Variants in OXR1 observed in about 807,000 individuals in gnomAD.
OXR1 encodes the protein oxidation resistance protein 1.
A neutral mutation model predicts 104.6 loss-of-function variants in OXR1; 41 were observed. That is an observed-to-expected ratio of 0.39 (90% confidence interval 0.31 to 0.51). The LOEUF (loss-of-function observed/expected upper bound fraction) is 0.51, where lower values mean the gene tolerates loss of function less well. Ranked by LOEUF, OXR1 falls within the 20% of genes least tolerant of loss-of-function variation. OXR1 has a pLI of 0.77. For missense variants in OXR1, 955 were observed against 1,031.9 expected (o/e 0.93, Z 1.02); for synonymous variants, 348 against 348.4 (o/e 1.00, Z 0.01).
intron 1 of OXR1, among the ~76,000 whole-genome samples, chr8:106,353,219 G>A (rs531962586): frequency 4.6e-5 from 7 of 152,132 alleles, no homozygotes; most frequent in South Asian, 2.1e-4. Flanking sequence ...GTGTGGTGGC[G>A]CATGCCTGTA....
At chr8:106,285,404 C>T (rs1315648470) in intron 1 of OXR1, among the ~76,000 whole-genome samples, 1 of 152,130 alleles carries the variant, frequency 6.6e-6, no homozygotes, top group Admixed American at 6.5e-5. Context: ...GGATTAATTA[C>T]TTGCCAGCTC....
At chr8:106,690,549 A>C (rs1277653919) in intron 6 of OXR1, among the ~76,000 whole-genome samples, 1 of 151,326 alleles carries the variant, frequency 6.6e-6, no homozygotes, top group African/African-American at 2.4e-5. Context: ...TTAACATCAC[A>C]AGAAATGGGT....
intron 9 of OXR1, 31 bp from the exon 10 acceptor site, chr8:106,710,591 T>G: frequency 7.0e-7 from 1 of 1,419,252 alleles, no homozygotes; most frequent in Non-Finnish European, 9.3e-7. Context: ...GTGTGAGAAT[T>G]GAATAAACAC....
At position 106,275,533 on chromosome 8, in the gene OXR1, A is replaced by G. The variant is rs1323402532; in HGVS notation, c.-139+5166A>G. ...GTGTCACTATTTTGGGGGGATTAAT[A>G]TAAAGACTACAGAACTGAGCATTTT... On this transcript the variant is annotated intron_variant, in intron 1 of 16. Coordinates refer to ENST00000517566, the MANE Select transcript of OXR1 (RefSeq NM_001198533.2). Among the ~76,000 whole-genome samples the G allele has an allele frequency of 3.9e-5, 6 of 152,358 alleles. No homozygotes were observed. In the South Asian group the frequency reaches 1.0e-3, roughly 26 times the overall value.
intron 3 of OXR1, among the ~76,000 whole-genome samples, chr8:106,665,171 C>A (rs569448011): frequency 6.6e-6 from 1 of 152,222 alleles, no homozygotes; most frequent in South Asian, 2.1e-4. Flanking sequence ...CAGCCCTAGA[C>A]GGGACACCAT....
intron 2 of OXR1, among the ~76,000 whole-genome samples, chr8:106,384,316 GATAATGA>G (rs1486651215): frequency 6.6e-6 from 1 of 152,160 alleles, no homozygotes; most frequent in Non-Finnish European, 1.5e-5. Flanking sequence ...CCCATTCACA[GATAATGA>G]CATGCACACA....
At position 106,460,671 on chromosome 8, in the gene OXR1, A is replaced by G. The variant is rs75796965; in HGVS notation, c.24-58272A>G. Among the ~76,000 whole-genome samples the G allele has an allele frequency of 5.2e-3, 790 of 152,256 alleles. 6 individuals carry two copies. The highest frequency in any genetic ancestry group is 5.9e-3 in the Non-Finnish European group (403 of 68,022). The stretch of plus-strand genomic sequence containing the variant: ...AGTTAATAAGCATTCATCTGATGGT[A>G]TGTTTCAAAAATTCTGGGCATGTTC... On this transcript the variant is annotated intron_variant, in intron 2 of 16. Coordinates refer to ENST00000517566, the MANE Select transcript of OXR1 (RefSeq NM_001198533.2).
At chr8:106,653,967 C>T (rs1824842390) in intron 3 of OXR1, among the ~76,000 whole-genome samples, 1 of 152,022 alleles carries the variant, frequency 6.6e-6, no homozygotes, top group South Asian at 2.1e-4. Flanking sequence ...AAAATCTATT[C>T]ACAATATCAA....
At chr8:106,616,178 A>G (rs551249343) in intron 3 of OXR1, among the ~76,000 whole-genome samples, 1 of 148,808 alleles carries the variant, frequency 6.7e-6, no homozygotes, top group Admixed American at 6.7e-5. Flanking sequence ...AGTAGCTGGG[A>G]CTACAGGTGC....
At chr8:106,452,693 G>T (rs1203587292) in intron 2 of OXR1, among the ~76,000 whole-genome samples, 1 of 152,074 alleles carries the variant, frequency 6.6e-6, no homozygotes, top group South Asian at 2.1e-4. Flanking sequence ...CAAATTAATT[G>T]CATCCTTAAA....
chr8:106,441,072 A>T (rs1299220038), intron 2 of OXR1, among the ~76,000 whole-genome samples: 1 of 152,108 alleles, frequency 6.6e-6, no homozygotes, highest in Admixed American at 6.6e-5. Context: ...TAAGTCTTTA[A>T]TCCATCTTGG....
In OXR1 at chr8:106,706,904, A is replaced by C. The variant is rs1831193514; in HGVS notation, c.1383A>C (p.Glu461Asp). ...SFLHENSLHQ[E>D]ESQKENMPCG... Reference sequence around the variant, plus strand: ...TTCATGAGAATTCGTTACACCAAGAAGAGAGTCAAAAAGAAAATATGCCTT... The same window carrying C: ...TTCATGAGAATTCGTTACACCAAGACGAGAGTCAAAAAGAAAATATGCCTT... The change falls in exon 9 of 17, where the codon GAA becomes GAC. Residue 461 changes from glutamate (E) to aspartate (D), a missense_variant. Physicochemically the swap from Glu to Asp is conservative, Grantham distance 45. This residue lies in a region of OXR1 where 849 missense variants were observed against 852.9 expected (regional missense o/e 1.00). Transcript: ENST00000517566. 2 of 1,612,568 alleles carry C rather than the reference A, an allele frequency of 1.2e-6. No homozygotes were observed. The highest frequency in any genetic ancestry group is 1.7e-6 in the Non-Finnish European group (2 of 1,179,770).
In OXR1 at chr8:106,540,159, T is replaced by C. The variant is rs533583732; in HGVS notation, c.220+21020T>C. 9.2e-5 allele frequency among the ~76,000 whole-genome samples: 14 copies of C among 152,208 alleles called. 1 individual carries two copies. The highest frequency in any genetic ancestry group is 1.5e-4 in the Non-Finnish European group (10 of 67,998). On this transcript the variant is annotated intron_variant, in intron 3 of 16. Transcript: ENST00000517566. ...AAGCTTGTTCTTTGGGAGTGAACTGTCAATAAAGTGACATAGCAAGCCAAA... is the reference window on the plus strand; with the variant it reads ...AAGCTTGTTCTTTGGGAGTGAACTGCCAATAAAGTGACATAGCAAGCCAAA...
rs568217053 is a variant in OXR1, at chr8:106,507,995, C to T, written c.24-10948C>T. Among the ~76,000 whole-genome samples, 11 of 152,264 alleles carry T rather than the reference C, an allele frequency of 7.2e-5. No homozygotes were observed. The East Asian group carries it at 2.1e-3, about 29-fold the overall frequency. ...CTCCTCTGGCTTCTTCTTTTGGGACCTGATGGCCCTCAGCATGTCCATCTT... is the reference window on the plus strand; with the variant it reads ...CTCCTCTGGCTTCTTCTTTTGGGACTTGATGGCCCTCAGCATGTCCATCTT... On this transcript the variant is annotated intron_variant, in intron 2 of 16. Coordinates refer to ENST00000517566, the MANE Select transcript of OXR1 (RefSeq NM_001198533.2).
chr8:106,664,030 C>G (rs1053301658), intron 3 of OXR1, among the ~76,000 whole-genome samples: 1 of 152,174 alleles, frequency 6.6e-6, no homozygotes, highest in Admixed American at 6.5e-5. Flanking sequence ...TTTCCTAAAG[C>G]CGGATGGGAG....
At chr8:106,563,376 A>G (rs944814173) in intron 3 of OXR1, among the ~76,000 whole-genome samples, 1 of 152,138 alleles carries the variant, frequency 6.6e-6, no homozygotes, top group East Asian at 1.9e-4. Context: ...ACCAACAGAG[A>G]TCCAAGAAGA....
intron 2 of OXR1, among the ~76,000 whole-genome samples, chr8:106,413,480 G>T (rs896762916): frequency 3.3e-5 from 5 of 152,066 alleles, no homozygotes; most frequent in African/African-American, 1.2e-4. Flanking sequence ...CAGAGGTAGT[G>T]ATTGCTAAAC....
intron 3 of OXR1, among the ~76,000 whole-genome samples, chr8:106,604,458 T>G (rs1389925341): frequency 6.6e-6 from 1 of 152,138 alleles, no homozygotes; most frequent in Non-Finnish European, 1.5e-5. Flanking sequence ...TATACAGTAT[T>G]ATTGATATCC....
chr8:106,623,308 A>G (rs1821875078), intron 3 of OXR1, among the ~76,000 whole-genome samples: 2 of 152,106 alleles, frequency 1.3e-5, no homozygotes, highest in South Asian at 2.1e-4. Context: ...AATAGAAAAT[A>G]TATGTATATT....
Sources: allele counts gnomAD v4.1 joint callset (sites outside exome capture counted in the v4.1 genomes callset), GRCh38; gene constraint gnomAD v4.1.1; regional missense constraint gnomAD v4.1.1; transcripts MANE v1.5; gene names NCBI Gene and HGNC (gene_info 2026-07-23, HGNC 2026-07-21).